Variants in RAP2A observed in about 807,000 individuals in gnomAD.
The protein encoded by RAP2A is RAP2A, member of RAS oncogene family.
RAP2A carries 5 observed loss-of-function variants against 15.1 expected under a neutral mutation model. The observed-to-expected ratio is 0.33, with a 90% CI of 0.17 to 0.70. The LOEUF is 0.70. RAP2A is among the 30% of genes least tolerant of loss of function. The probability of loss-of-function intolerance (pLI) is 0.68; values close to 1 mark genes in which losing one functional copy is unlikely to be tolerated. For synonymous variants in RAP2A, 110 were observed against 99.7 expected (o/e 1.10, Z -0.62); for missense variants, 111 against 240.3 (o/e 0.46, Z 3.56).
rs1379790442 is a variant in RAP2A, at chr13:97,465,903, C to A, written c.*1461C>A. ...GAGAAGAATTTGGCCTTCAGAACTG[C>A]AATATCACTGAGCCTGCGATCTATA... is the stretch of plus-strand genomic sequence containing the variant. On this transcript the variant is annotated 3_prime_UTR_variant, in exon 2 of 2. Coordinates refer to ENST00000245304, the MANE Select transcript of RAP2A (RefSeq NM_021033.7). The A allele has an allele frequency of 1.3e-5, 2 of 152,094 alleles. No homozygotes were observed. The highest frequency in any genetic ancestry group is 2.9e-5 in the Non-Finnish European group (2 of 68,038). 9.4% of individuals were successfully genotyped at this position (152,094 alleles called of 1,614,324 possible).
chr13:97,453,810 A>G (rs2066711979), intron 1 of RAP2A, among the ~76,000 whole-genome samples: 1 of 150,578 alleles, frequency 6.6e-6, no homozygotes, highest in Non-Finnish European at 1.5e-5. Context: ...CTAATTTTAC[A>G]TTCCATCAGC....
chr13:97,446,925 A>G (rs2066682276), intron 1 of RAP2A, among the ~76,000 whole-genome samples: 1 of 152,232 alleles, frequency 6.6e-6, no homozygotes, highest in African/African-American at 2.4e-5. Flanking sequence ...CAATATAGTA[A>G]AATGGCTATT....
At chr13:97,456,116 G>A (rs2066721773) in intron 1 of RAP2A, among the ~76,000 whole-genome samples, 1 of 151,758 alleles carries the variant, frequency 6.6e-6, no homozygotes, top group Admixed American at 6.6e-5. Flanking sequence ...GGTGAACTGT[G>A]AAATAAGAAG....
intron 1 of RAP2A, among the ~76,000 whole-genome samples, chr13:97,448,477 CTG>C (rs1024148768): frequency 1.1e-4 from 17 of 152,084 alleles, no homozygotes; most frequent in African/African-American, 3.9e-4. Context: ...CCACACTAAG[CTG>C]TTAGTAAAGT....
Position 97,466,346 on chromosome 13 carries a change from C to T in RAP2A, c.*1904C>T, listed in dbSNP as rs2066771580. 6.6e-6 allele frequency: 1 copy of T among 152,012 alleles called. No individual in the cohort carries two copies. The highest frequency in any genetic ancestry group is 1.5e-5 in the Non-Finnish European group (1 of 68,000). 9.4% of individuals were successfully genotyped at this position (152,012 alleles called of 1,614,324 possible). On this transcript the variant is annotated 3_prime_UTR_variant, in exon 2 of 2. Coordinates refer to ENST00000245304, the MANE Select transcript of RAP2A (RefSeq NM_021033.7). ...CTTCAGTATAATTTTTTATAATCCT[C>T]AATTATGAACCACCTTGTTTATAGG...
intron 1 of RAP2A, among the ~76,000 whole-genome samples, chr13:97,438,794 C>T (rs748084223): frequency 7.0e-4 from 107 of 152,274 alleles, no homozygotes; most frequent in Non-Finnish European, 1.3e-3. Flanking sequence ...TCTCACAAAA[C>T]TCCAAGCCCA....
At position 97,438,854 on chromosome 13, in the gene RAP2A, G is replaced by A. The variant is rs550329431; in HGVS notation, c.314+4070G>A. Among the ~76,000 whole-genome samples, 62 of 152,250 alleles carry A rather than the reference G, an allele frequency of 4.1e-4. No individual in the cohort carries two copies. In the South Asian group the frequency reaches 5.0e-3, roughly 12 times the overall value. On this transcript the variant is annotated intron_variant, in intron 1 of 1. Coordinates refer to ENST00000245304, the MANE Select transcript of RAP2A (RefSeq NM_021033.7). ...CACATAGGAAACAAGAAAAAATGTT[G>A]AAAAAATGAATGTTCAGAAAGAAAA... is the stretch of plus-strand genomic sequence containing the variant.
chr13:97,440,080 G>A (rs947049807), intron 1 of RAP2A, among the ~76,000 whole-genome samples: 7 of 152,028 alleles, frequency 4.6e-5, no homozygotes, highest in African/African-American at 1.5e-4. Flanking sequence ...CTGGAGAGCC[G>A]AAACGAGAGT....
chr13:97,462,041 T>C (rs909865699), intron 1 of RAP2A, among the ~76,000 whole-genome samples: 12 of 133,292 alleles, frequency 9.0e-5, no homozygotes, highest in Non-Finnish European at 2.0e-4. Flanking sequence ...TTTATATATA[T>C]TTATATATAT....
chr13:97,456,077 C>T (rs1287903265), intron 1 of RAP2A, among the ~76,000 whole-genome samples: 1 of 145,648 alleles, frequency 6.9e-6, no homozygotes, highest in Non-Finnish European at 1.5e-5. Context: ...GCACTGTCTA[C>T]TGCCCCAGCT....
At chr13:97,444,233 T>C (rs1417570717) in intron 1 of RAP2A, among the ~76,000 whole-genome samples, 1 of 152,214 alleles carries the variant, frequency 6.6e-6, no homozygotes, top group South Asian at 2.1e-4. Flanking sequence ...GACCTAAATA[T>C]ATTGGCTATA....
chr13:97,462,015 TATAG>T (rs1308349237), intron 1 of RAP2A, among the ~76,000 whole-genome samples: 11 of 145,244 alleles, frequency 7.6e-5, no homozygotes, highest in East Asian at 2.0e-4. Flanking sequence ...TATATATTTA[TATAG>T]ATATTTATAT....
intron 1 of RAP2A, among the ~76,000 whole-genome samples, chr13:97,440,728 C>G (rs980233375): frequency 6.6e-6 from 1 of 152,134 alleles, no homozygotes; most frequent in African/African-American, 2.4e-5. Context: ...GATAAGCATA[C>G]ACTTGTGAAA....
chr13:97,434,874 G>T, intron 1 of RAP2A, 90 bp downstream of exon 1: 6 of 1,528,826 alleles, frequency 3.9e-6, no homozygotes, highest in Non-Finnish European at 5.3e-6. Context: ...CGGGGAAGGG[G>T]CTTTCTGGGG....
intron 1 of RAP2A, chr13:97,437,471 G>A (rs1233767200): frequency 6.6e-6 from 1 of 152,166 alleles, no homozygotes; most frequent in Admixed American, 6.5e-5. Flanking sequence ...AGAATTAAAT[G>A]AGATAATGTA....
rs541462458 is a variant in RAP2A at position 97,450,112 on chromosome 13, C to T, written c.315-14093C>T. ...ATTTAAAAGTTCCTAAAAATCTTAG[C>T]TCTTCATAGCTTTCAAGCTTCTTTA... is the stretch of plus-strand genomic sequence containing the variant. On this transcript the variant is annotated intron_variant, in intron 1 of 1. Coordinates refer to ENST00000245304, the MANE Select transcript of RAP2A (RefSeq NM_021033.7). Among the ~76,000 whole-genome samples, 4 of 152,216 alleles carry T rather than the reference C, an allele frequency of 2.6e-5. No individual in the cohort carries two copies. In the South Asian group the frequency reaches 6.2e-4, roughly 24 times the overall value.
rs965624409 is a variant in RAP2A, at chr13:97,466,402, G to A, written c.*1960G>A. 1 of 152,024 alleles carries A rather than the reference G, an allele frequency of 6.6e-6. No homozygotes were observed. Among genetic ancestry groups the A allele is most frequent in the South Asian group, 2.1e-4 (1 of 4,820 alleles). 9.4% of individuals were successfully genotyped at this position (152,024 alleles called of 1,614,324 possible). A position where few individuals can be genotyped will look rare whatever the true frequency, so the allele number is the denominator to read the frequency against. On this transcript the variant is annotated 3_prime_UTR_variant, in exon 2 of 2. Coordinates refer to ENST00000245304, the MANE Select transcript of RAP2A (RefSeq NM_021033.7). ...AAAATTTAACCAATTTTATTGAAACGAATTTCACTGTGTAAAAGTTGGTTT... is the reference window on the plus strand; with the variant it reads ...AAAATTTAACCAATTTTATTGAAACAAATTTCACTGTGTAAAAGTTGGTTT...
intron 1 of RAP2A, among the ~76,000 whole-genome samples, chr13:97,446,672 G>C (rs927974153): frequency 6.6e-6 from 1 of 152,164 alleles, no homozygotes; most frequent in Non-Finnish European, 1.5e-5. Context: ...TACCACATAG[G>C]AAGTCCAGCT....
Position 97,440,778 on chromosome 13 carries a change from A to G in RAP2A, c.314+5994A>G, listed in dbSNP as rs184991172. 7.9e-5 allele frequency among the ~76,000 whole-genome samples: 12 copies of G among 152,304 alleles called. No homozygotes were observed. The East Asian group carries it at 2.3e-3, about 29-fold the overall frequency. On this transcript the variant is annotated intron_variant, in intron 1 of 1. Transcript: ENST00000245304. ...GCTGTAAAACTATCCATCACCTCCA[A>G]AAGTTTCCCCCTGCTTTATTTATCT...
Sources: allele counts gnomAD v4.1 joint callset (sites outside exome capture counted in the v4.1 genomes callset), GRCh38; gene constraint gnomAD v4.1.1; transcripts MANE v1.5; gene names NCBI Gene and HGNC (gene_info 2026-07-23, HGNC 2026-07-21).